The following POGZ variants were observed in gnomAD, a reference collection of about 807,000 sequenced individuals.
The protein encoded by POGZ is pogo transposable element derived with ZNF domain.
Under a neutral mutation model 134.6 loss-of-function variants are expected in POGZ, and 17 were observed. That is an observed-to-expected ratio of 0.13 (90% confidence interval 0.09 to 0.19). POGZ has a LOEUF of 0.19. Among genes scored for constraint, POGZ ranks in the 10% least tolerant of loss-of-function variants. The pLI is 1.00. For missense variants in POGZ, 1,306 were observed against 1,769.7 expected, an observed-to-expected ratio of 0.74 and a Z score of 4.70; for synonymous variants, 693 against 657.1, an observed-to-expected ratio of 1.05 and a Z score of -0.84.
chr1:151,448,290 C>G (rs1661551420), intron 1 of POGZ, among the ~76,000 whole-genome samples: 1 of 151,964 alleles, frequency 6.6e-6, no homozygotes, highest in Non-Finnish European at 1.5e-5. Flanking sequence ...AACAAAATAC[C>G]TAGATCATTA....
Position 151,405,012 on chromosome 1 carries a change from T to C in POGZ, c.4023A>G (p.Arg1341=), listed in dbSNP as rs781346957. ...TTAGCTCCTCCTGCATGTCAGCATTTCTTGTAGGTGAGTTAATGTTGCCAT... is the reference window on the plus strand; with the variant it reads ...TTAGCTCCTCCTGCATGTCAGCATTCCTTGTAGGTGAGTTAATGTTGCCAT... ...GPDGNINSPT[R]NADMQEELIA... is the part of the protein sequence containing the mutation. Residue 1341 remains arginine (R), a synonymous_variant, in exon 19 of 19, where the codon AGA becomes AGG. Transcript: ENST00000271715. The surrounding 1 kb of genome is among the most constrained non-coding windows in gnomAD (Gnocchi z 4.9). 2.4e-5 allele frequency: 39 copies of C among 1,614,050 alleles called. No homozygotes were observed. The highest frequency in any genetic ancestry group is 3.3e-5 in the Non-Finnish European group (39 of 1,180,030).
At chr1:151,416,284 C>T (rs1408275900) in intron 10 of POGZ, among the ~76,000 whole-genome samples, 4 of 144,082 alleles carry the variant, frequency 2.8e-5, no homozygotes, top group Non-Finnish European at 4.5e-5. Flanking sequence ...AGACAGAGTG[C>T]GGTGGCTCAC....
chr1:151,432,237 C>A (rs573180308), intron 3 of POGZ, among the ~76,000 whole-genome samples: 1 of 152,048 alleles, frequency 6.6e-6, no homozygotes, highest in East Asian at 1.9e-4. Flanking sequence ...ATGGCCTCAA[C>A]TTTTTACCCA....
intron 10 of POGZ, among the ~76,000 whole-genome samples, chr1:151,413,634 T>C (rs1484788006): frequency 7.2e-6 from 1 of 139,140 alleles, no homozygotes; most frequent in Non-Finnish European, 1.5e-5. Flanking sequence ...CAAAGAAATA[T>C]GAATAAAGTT....
intron 1 of POGZ, among the ~76,000 whole-genome samples, chr1:151,445,107 T>G (rs905669936): frequency 2.0e-5 from 3 of 151,766 alleles, no homozygotes; most frequent in Non-Finnish European, 4.4e-5. Flanking sequence ...TCTGAAAAGA[T>G]GGCAAAGAAA....
At chr1:151,407,735 G>A (rs979067001) in intron 15 of POGZ, among the ~76,000 whole-genome samples, 4 of 152,134 alleles carry the variant, frequency 2.6e-5, no homozygotes, top group African/African-American at 9.7e-5. Context: ...GGGGCCGGGC[G>A]CAGTGGCTCA....
chr1:151,458,627 A>ACGGCCTCGCCCCCTCGC (rs1402900767), intron 1 of POGZ, among the ~76,000 whole-genome samples: 2 of 132,136 alleles, frequency 1.5e-5, no homozygotes, highest in African/African-American at 5.6e-5. Context: ...CCTCCGCCGC[A>ACGGCCTCGCCCCCTCGC]CGGCCTCGCC....
At chr1:151,407,602 CA>C (rs1288298904) in intron 15 of POGZ, among the ~76,000 whole-genome samples, 18 of 152,026 alleles carry the variant, frequency 1.2e-4, no homozygotes, top group African/African-American at 4.3e-4. Context: ...CACAGACCAT[CA>C]AAACCGAAAA....
chr1:151,423,102 A>G (rs1192734010), intron 10 of POGZ, among the ~76,000 whole-genome samples: 3 of 152,242 alleles, frequency 2.0e-5, no homozygotes, highest in Admixed American at 2.0e-4. Context: ...TGTTCCTTCT[A>G]TAAAGAGACC....
At chr1:151,435,580 C>T (rs1344613551) in intron 3 of POGZ, among the ~76,000 whole-genome samples, 2 of 151,660 alleles carry the variant, frequency 1.3e-5, no homozygotes, top group Non-Finnish European at 2.9e-5. Flanking sequence ...GCAACCTCCA[C>T]CTCTCAGGTT....
chr1:151,454,021 A>C (rs1050862632), intron 1 of POGZ, among the ~76,000 whole-genome samples: 2 of 152,206 alleles, frequency 1.3e-5, no homozygotes, highest in African/African-American at 2.4e-5. Context: ...AACTATCCTG[A>C]CATACTTGGT....
At chr1:151,438,420 G>A (rs1165900343) in intron 3 of POGZ, among the ~76,000 whole-genome samples, 2 of 151,940 alleles carry the variant, frequency 1.3e-5, no homozygotes, top group Non-Finnish European at 2.9e-5. Context: ...ATGAACATGG[G>A]TTATGGGTTA....
At chr1:151,411,059 T>C (rs765517698) in intron 12 of POGZ, among the ~76,000 whole-genome samples, 2 of 152,216 alleles carry the variant, frequency 1.3e-5, no homozygotes, top group Non-Finnish European at 2.9e-5. Context: ...TTCTCTGCAG[T>C]GCAGGCAGTA....
chr1:151,441,898 T>C (rs1013606595), intron 2 of POGZ, among the ~76,000 whole-genome samples, 183 bp downstream of exon 2: 1 of 152,200 alleles, frequency 6.6e-6, no homozygotes. Flanking sequence ...AGTTTCTAGC[T>C]ATATGGATGA....
chr1:151,449,947 T>A (rs1223692822), intron 1 of POGZ, among the ~76,000 whole-genome samples: 1 of 152,052 alleles, frequency 6.6e-6, no homozygotes, highest in East Asian at 1.9e-4. Flanking sequence ...TTATATCTTG[T>A]ATGTTAAAAA....
chr1:151,412,216 TCAA>T (rs1654805475), intron 11 of POGZ, 77 bp downstream of exon 11: 1 of 736,728 alleles, frequency 1.4e-6, no homozygotes, highest in Non-Finnish European at 2.4e-6. Flanking sequence ...CAGTAGGTGG[TCAA>T]CAATATTCAT....
At chr1:151,430,197 A>G (rs1263360136) in intron 4 of POGZ, among the ~76,000 whole-genome samples, 1 of 152,222 alleles carries the variant, frequency 6.6e-6, no homozygotes, top group Non-Finnish European at 1.5e-5. Context: ...TTGCCTTTAG[A>G]ATCCATATTC....
At chr1:151,420,697 G>A (rs916644771) in intron 10 of POGZ, among the ~76,000 whole-genome samples, 2 of 152,068 alleles carry the variant, frequency 1.3e-5, no homozygotes, top group African/African-American at 4.8e-5. Context: ...CATGTATCTA[G>A]TGAACACTTA....
In POGZ at chr1:151,406,307, A is replaced by T; in HGVS notation, c.2728T>A (p.Ser910Thr). The T allele has an allele frequency of 6.2e-7, 1 of 1,610,720 alleles. No homozygotes were observed. Among genetic ancestry groups the T allele is most frequent in the Non-Finnish European group, 8.5e-7 (1 of 1,178,098 alleles). The change falls in exon 19 of 19, where the codon TCA becomes ACA. Residue 910 changes from serine to threonine, a missense_variant. By Grantham distance (58) the Ser-to-Thr change is moderately conservative. This residue lies in a region of POGZ where 214 missense variants were observed against 255.5 expected (regional missense o/e 0.84). Coordinates refer to ENST00000271715, the MANE Select transcript of POGZ (RefSeq NM_015100.4). ...LLTPLAPALP[S>T]PASTATPPPT... ...GGTGGGGTTGCAGTTGAGGCTGGTG[A>T]TGGGAGTGCTGGGGCTAAGGGAGTT...
Sources: allele counts gnomAD v4.1 joint callset (sites outside exome capture counted in the v4.1 genomes callset), GRCh38; gene constraint gnomAD v4.1.1; regional missense constraint gnomAD v4.1.1; non-coding constraint Gnocchi (gnomAD v3.1); transcripts MANE v1.5; gene names NCBI Gene and HGNC (gene_info 2026-07-23, HGNC 2026-07-21).